The following SND1 variants were observed in gnomAD, a reference collection of about 807,000 sequenced individuals.
SND1 encodes the protein staphylococcal nuclease domain-containing protein 1.
In SND1, 38 loss-of-function variants were observed where a neutral mutation model predicts 121.7. The observed-to-expected ratio is 0.31, with a 90% CI of 0.24 to 0.41. SND1 has a LOEUF of 0.41. Ranked by LOEUF, SND1 falls within the 10% of genes least tolerant of loss-of-function variation. The probability of loss-of-function intolerance (pLI) is 1.00; values close to 1 mark genes in which losing one functional copy is unlikely to be tolerated. For synonymous variants in SND1, 401 were observed against 447.4 expected, an observed-to-expected ratio of 0.90 and a Z score of 1.31; for missense variants, 868 against 1,184.6, an observed-to-expected ratio of 0.73 and a Z score of 3.92.
At chr7:127,714,676 A>G (rs939546309) in intron 9 of SND1, among the ~76,000 whole-genome samples, 1 of 152,174 alleles carries the variant, frequency 6.6e-6, no homozygotes. Context: ...GGCCCTGGCA[A>G]CCACAATTCT....
At chr7:127,652,926 C>T (rs1795147526) in intron 1 of SND1, among the ~76,000 whole-genome samples, 1 of 152,196 alleles carries the variant, frequency 6.6e-6, no homozygotes, top group African/African-American at 2.4e-5. Flanking sequence ...CACTCTGTGG[C>T]CCTCTTTTCC....
At chr7:127,931,283 G>T (rs1005409692) in intron 15 of SND1, among the ~76,000 whole-genome samples, 6 of 152,154 alleles carry the variant, frequency 3.9e-5, no homozygotes, top group African/African-American at 1.2e-4. Flanking sequence ...AAAAATTTTA[G>T]TGGTCTGGAT....
intron 10 of SND1, among the ~76,000 whole-genome samples, chr7:127,772,039 A>T (rs894253434): frequency 1.3e-5 from 2 of 152,228 alleles, no homozygotes; most frequent in Admixed American, 1.3e-4. Context: ...GATAGAAAAG[A>T]CGCTAATTTA....
intron 16 of SND1, among the ~76,000 whole-genome samples, chr7:128,006,230 G>A (rs1480455188): frequency 6.6e-6 from 1 of 151,946 alleles, no homozygotes; most frequent in Non-Finnish European, 1.5e-5. Flanking sequence ...TGGGAAGGGT[G>A]CGTGCGTGCG....
At chr7:127,875,817 A>T (rs1435885194) in intron 12 of SND1, among the ~76,000 whole-genome samples, 1 of 152,134 alleles carries the variant, frequency 6.6e-6, no homozygotes. Flanking sequence ...TTGTGTCATC[A>T]GATGTTTTCA....
chr7:127,929,849 A>C (rs561788919), intron 15 of SND1, among the ~76,000 whole-genome samples: 3 of 152,108 alleles, frequency 2.0e-5, no homozygotes, highest in Non-Finnish European at 4.4e-5. Context: ...TCCCACATCG[A>C]TAGTATTTCT....
At chr7:127,930,848 T>C (rs936385025) in intron 15 of SND1, among the ~76,000 whole-genome samples, 1 of 152,158 alleles carries the variant, frequency 6.6e-6, no homozygotes, top group African/African-American at 2.4e-5. Context: ...GCTTCAGATA[T>C]TGCATTTTTT....
chr7:127,663,737 C>T (rs759992237), intron 1 of SND1, among the ~76,000 whole-genome samples: 7 of 152,142 alleles, frequency 4.6e-5, no homozygotes, highest in Non-Finnish European at 7.4e-5. Flanking sequence ...GGTCTTAATA[C>T]TGACAGGTGG....
chr7:127,804,923 A>G (rs1424027458), intron 10 of SND1, among the ~76,000 whole-genome samples: 1 of 152,174 alleles, frequency 6.6e-6, no homozygotes, highest in African/African-American at 2.4e-5. Context: ...GAATATGAGT[A>G]CGCTGACACT....
intron 1 of SND1, among the ~76,000 whole-genome samples, chr7:127,685,215 G>A (rs1030222229): frequency 6.6e-6 from 1 of 152,174 alleles, no homozygotes; most frequent in Non-Finnish European, 1.5e-5. Flanking sequence ...ACACTTGAAA[G>A]CGTTAGTTAA....
At chr7:128,081,311 T>C (rs772659793) in intron 17 of SND1, 49 bp from the exon 18 acceptor site, 18 of 1,609,980 alleles carry the variant, frequency 1.1e-5, no homozygotes, top group Non-Finnish European at 1.5e-5. Context: ...GTGTCTTTTA[T>C]GACTTCACTT....
rs574770018 is a variant in SND1, at chr7:127,839,643, A to T, written c.1243-4681A>T. ...ATTCCAGACTTTACAAGCAATTAATATATAAATTTAGTTTGAAGTTACCAT... is the reference window on the plus strand; with the variant it reads ...ATTCCAGACTTTACAAGCAATTAATTTATAAATTTAGTTTGAAGTTACCAT... On this transcript the variant is annotated intron_variant, in intron 11 of 23. Transcript: ENST00000354725. Among the ~76,000 whole-genome samples, 13 of 152,304 alleles carry T rather than the reference A, an allele frequency of 8.5e-5. No individual in the cohort carries two copies. In the South Asian group the frequency reaches 2.7e-3, roughly 32 times the overall value.
intron 1 of SND1, among the ~76,000 whole-genome samples, chr7:127,669,645 C>T (rs1795480284): frequency 6.6e-6 from 1 of 152,174 alleles, no homozygotes; most frequent in South Asian, 2.1e-4. Context: ...TACCCCAAAG[C>T]CTATATCCAA....
intron 10 of SND1, among the ~76,000 whole-genome samples, chr7:127,782,471 G>A (rs1423784983): frequency 1.3e-5 from 2 of 152,132 alleles, no homozygotes; most frequent in Non-Finnish European, 2.9e-5. Flanking sequence ...AGCCTGGGGA[G>A]CTTATTTTTC....
intron 11 of SND1, among the ~76,000 whole-genome samples, chr7:127,832,902 A>G (rs10261385): frequency 6.6e-6 from 1 of 152,218 alleles, no homozygotes; most frequent in Non-Finnish European, 1.5e-5. Flanking sequence ...TACACGTGCG[A>G]GGGATCTAGG....
At chr7:127,777,308 T>G (rs1051691449) in intron 10 of SND1, among the ~76,000 whole-genome samples, 1 of 152,220 alleles carries the variant, frequency 6.6e-6, no homozygotes, top group African/African-American at 2.4e-5. Flanking sequence ...CTTGTAAAAC[T>G]GAGATATTAA....
At chr7:127,893,422 T>G (rs1412691295) in intron 13 of SND1, among the ~76,000 whole-genome samples, 1 of 152,158 alleles carries the variant, frequency 6.6e-6, no homozygotes, top group Non-Finnish European at 1.5e-5. Flanking sequence ...TCCTAGAAAT[T>G]GTTAGAATCT....
chr7:127,722,080 T>G (rs1211597476), intron 10 of SND1, among the ~76,000 whole-genome samples: 1 of 152,158 alleles, frequency 6.6e-6, no homozygotes, highest in African/African-American at 2.4e-5. Context: ...GAATTGGGAA[T>G]AGGGATTAAG....
intron 14 of SND1, among the ~76,000 whole-genome samples, chr7:127,926,143 A>T (rs556367713): frequency 5.9e-5 from 9 of 152,288 alleles, no homozygotes; most frequent in Admixed American, 5.9e-4. Context: ...GAAACGTGCC[A>T]GTCTTCCTAA....
Sources: gnomAD v4.1 joint callset for allele counts (sites outside exome capture counted in the v4.1 genomes callset) on GRCh38, gnomAD v4.1.1 for gene constraint, MANE v1.5 for transcripts, NCBI Gene and HGNC (gene_info 2026-07-23, HGNC 2026-07-21) for gene names.